The following LDAH variants were observed in gnomAD, a reference collection of about 807,000 sequenced individuals.
LDAH encodes lipid droplet associated hydrolase.
LDAH carries 26 observed loss-of-function variants against 29.6 expected under a neutral mutation model. The ratio of observed to expected loss-of-function variants is 0.88; its 90% confidence interval spans 0.64 to 1.22. The LOEUF (loss-of-function observed/expected upper bound fraction) is 1.22. Ranked by LOEUF, LDAH falls within the 50% of genes most tolerant of loss-of-function variation. LDAH has a pLI of 0.00. For missense variants in LDAH, 344 were observed against 387.3 expected, an observed-to-expected ratio of 0.89 and a Z score of 0.94; for synonymous variants, 117 against 133.0, an observed-to-expected ratio of 0.88 and a Z score of 0.83.
At position 20,751,012 on chromosome 2, in the gene LDAH, T is replaced by C. The variant is rs531039793; in HGVS notation, c.469-10807A>G. Among the ~76,000 whole-genome samples, 6 of 152,246 alleles carry C rather than the reference T, an allele frequency of 3.9e-5. No individual in the cohort carries two copies. In the East Asian group the frequency reaches 9.7e-4, roughly 25 times the overall value. On this transcript the variant is annotated intron_variant, in intron 4 of 6. Coordinates refer to ENST00000237822, the MANE Select transcript of LDAH (RefSeq NM_021925.4). ...ATAAACACTATGGACCACTTGAGGA[T>C]GGGGGGATTGAAAAACTACCTATTG...
chr2:20,727,540 T>C (rs896108330), intron 5 of LDAH, among the ~76,000 whole-genome samples: 19 of 152,344 alleles, frequency 1.2e-4, no homozygotes, highest in Middle Eastern at 3.4e-3. Context: ...TATGTCTCTG[T>C]GCTATGTTTT....
At chr2:20,772,438 A>T (rs770311920) in intron 4 of LDAH, among the ~76,000 whole-genome samples, 2 of 152,246 alleles carry the variant, frequency 1.3e-5, no homozygotes, top group Non-Finnish European at 2.9e-5. Context: ...TACACCAGTA[A>T]ATAAATGCAA....
At chr2:20,711,586 C>T (rs942551932) in intron 5 of LDAH, among the ~76,000 whole-genome samples, 2 of 152,104 alleles carry the variant, frequency 1.3e-5, no homozygotes, top group East Asian at 1.9e-4. Context: ...GGCGGGGCAT[C>T]GCCTCACCCC....
At chr2:20,711,555 A>G (rs918490544) in intron 5 of LDAH, among the ~76,000 whole-genome samples, 2 of 152,172 alleles carry the variant, frequency 1.3e-5, no homozygotes, top group Non-Finnish European at 2.9e-5. Context: ...GGTGCAGCCC[A>G]GGGAGGGTGA....
At chr2:20,765,218 C>T (rs905555935) in intron 4 of LDAH, among the ~76,000 whole-genome samples, 8 of 152,180 alleles carry the variant, frequency 5.3e-5, no homozygotes, top group South Asian at 2.1e-4. Context: ...CATCTCTCTA[C>T]GCTTGGGCTG....
intron 1 of LDAH, among the ~76,000 whole-genome samples, chr2:20,803,180 A>G (rs905006904): frequency 3.9e-5 from 6 of 152,222 alleles, no homozygotes; most frequent in African/African-American, 1.4e-4. Context: ...ACAACAAATA[A>G]TTATCCAGCC....
At chr2:20,701,212 C>T (rs1663910914) in intron 6 of LDAH, among the ~76,000 whole-genome samples, 1 of 152,176 alleles carries the variant, frequency 6.6e-6, no homozygotes. Context: ...GATCATATAA[C>T]ATATAATGTA....
intron 4 of LDAH, among the ~76,000 whole-genome samples, chr2:20,768,744 T>G (rs969701186): frequency 6.6e-6 from 1 of 152,188 alleles, no homozygotes; most frequent in African/African-American, 2.4e-5. Flanking sequence ...ATGAAATCAT[T>G]CCGCTGATAC....
chr2:20,813,300 T>TTA (rs1257835321), intron 1 of LDAH, among the ~76,000 whole-genome samples: 1 of 152,192 alleles, frequency 6.6e-6, no homozygotes, highest in Non-Finnish European at 1.5e-5. Context: ...TGTTAAGCAT[T>TTA]TATGTATTTT....
chr2:20,752,957 C>G (rs753405988), intron 4 of LDAH, among the ~76,000 whole-genome samples: 8 of 141,912 alleles, frequency 5.6e-5, no homozygotes, highest in Non-Finnish European at 1.1e-4. Context: ...AAGCTGTATT[C>G]TTTGGAGAGA....
At position 20,755,129 on chromosome 2, in the gene LDAH, T is replaced by TTGTGTGTGTGTG. The variant is rs70939051; in HGVS notation, c.469-14936_469-14925dup. On this transcript the variant is annotated intron_variant, in intron 4 of 6. Transcript: ENST00000237822. The stretch of plus-strand genomic sequence containing the variant: ...AAGAAGAAATATTGTGTGTCTGTGT[T>TTGTGTGTGTGTG]TGTGTGTGTGTGTGTGTGTGTGTGT... 9.0e-4 allele frequency among the ~76,000 whole-genome samples: 107 copies of TTGTGTGTGTGTG among 118,290 alleles called. 1 individual carries two copies. Among genetic ancestry groups the TTGTGTGTGTGTG allele is most frequent in the Middle Eastern group, 4.1e-3 (1 of 242 alleles). 77.6% of individuals were successfully genotyped at this position (118,290 alleles called of 152,430 possible). A position where few individuals can be genotyped will look rare whatever the true frequency, so the allele number is the denominator to read the frequency against.
chr2:20,772,747 A>G (rs1015365659), intron 4 of LDAH, among the ~76,000 whole-genome samples: 1 of 152,190 alleles, frequency 6.6e-6, no homozygotes, highest in Non-Finnish European at 1.5e-5. Context: ...GCTCTAATGA[A>G]GTCAGCTAGA....
intron 4 of LDAH, among the ~76,000 whole-genome samples, chr2:20,768,647 C>A (rs959977603): frequency 2.0e-5 from 3 of 152,146 alleles, no homozygotes; most frequent in African/African-American, 7.2e-5. Context: ...TGGGCCCGAG[C>A]AAAACTCAGG....
chr2:20,808,589 C>T (rs1274057609), intron 1 of LDAH, among the ~76,000 whole-genome samples: 3 of 149,310 alleles, frequency 2.0e-5, no homozygotes, highest in Admixed American at 6.8e-5. Flanking sequence ...GCTTGGGAGG[C>T]GGAGCTTGCA....
At chr2:20,722,323 TG>T (rs1665707073) in intron 5 of LDAH, among the ~76,000 whole-genome samples, 1 of 138,946 alleles carries the variant, frequency 7.2e-6, no homozygotes, top group Non-Finnish European at 1.5e-5. Context: ...GAGTTTGCAG[TG>T]AGCCGAGATT....
Position 20,686,703 on chromosome 2 carries a change from ATGGT to A in LDAH, c.*196_*199del. 1 of 432,860 alleles carries A rather than the reference ATGGT, an allele frequency of 2.3e-6. No individual in the cohort carries two copies. The highest frequency in any genetic ancestry group is 4.1e-6 in the Non-Finnish European group (1 of 242,848). The allele number at this position is 432,860 out of a possible 1,614,324, so 26.8% of individuals were successfully genotyped here. On this transcript the variant is annotated 3_prime_UTR_variant, in exon 7 of 7. Coordinates refer to ENST00000237822, the MANE Select transcript of LDAH (RefSeq NM_021925.4). The stretch of plus-strand genomic sequence containing the variant: ...GTGTTCCCTGAGTCTTGGAAAATGT[ATGGT>A]TAAACCTATGGAATGATTCATCAAC...
At chr2:20,761,953 T>C (rs1308638297) in intron 4 of LDAH, among the ~76,000 whole-genome samples, 1 of 150,224 alleles carries the variant, frequency 6.7e-6, no homozygotes, top group African/African-American at 2.4e-5. Flanking sequence ...AAATAAAAAA[T>C]AGAAAAAAAA....
intron 4 of LDAH, among the ~76,000 whole-genome samples, chr2:20,773,474 A>G (rs1409818514): frequency 2.6e-5 from 4 of 152,158 alleles, no homozygotes; most frequent in Non-Finnish European, 2.9e-5. Flanking sequence ...GAAGGCACAA[A>G]AGAGATTAGA....
intron 6 of LDAH, among the ~76,000 whole-genome samples, chr2:20,693,224 A>C (rs1663167358): frequency 9.0e-6 from 1 of 111,130 alleles, no homozygotes; most frequent in African/African-American, 3.5e-5. Context: ...GCTGCTTTAC[A>C]GGTGAGGACA....
Sources: allele counts gnomAD v4.1 joint callset (sites outside exome capture counted in the v4.1 genomes callset), GRCh38; gene constraint gnomAD v4.1.1; transcripts MANE v1.5; gene names NCBI Gene and HGNC (gene_info 2026-07-23, HGNC 2026-07-21).